Variants in CACNA1E observed in about 807,000 individuals in gnomAD.
CACNA1E encodes calcium voltage-gated channel subunit alpha1 E.
CACNA1E carries 40 observed loss-of-function variants against 259.2 expected under a neutral mutation model. The ratio of observed to expected loss-of-function variants is 0.15; its 90% CI spans 0.12 to 0.20. The LOEUF (loss-of-function observed/expected upper bound fraction) is 0.20. Ranked by LOEUF, CACNA1E falls within the 10% of genes least tolerant of loss-of-function variation. The pLI, the probability that CACNA1E is intolerant of heterozygous loss-of-function variation, is 1.00. For missense variants in CACNA1E, 1,874 were observed against 3,040.1 expected (o/e 0.62, Z 9.02); for synonymous variants, 1,104 against 1,138.5 (o/e 0.97, Z 0.61).
chr1:181,722,091 T>C (rs1356926912), intron 16 of CACNA1E, among the ~76,000 whole-genome samples: 1 of 152,140 alleles, frequency 6.6e-6, no homozygotes, highest in East Asian at 1.9e-4. Context: ...ATTATCCAAA[T>C]CTGTAGTGTA....
chr1:181,756,952 A>G lies in CACNA1E; in HGVS notation c.4155A>G (p.Thr1385=). The G allele has an allele frequency of 6.2e-7, 1 of 1,613,652 alleles. No homozygotes were observed. Among genetic ancestry groups the G allele is most frequent in the Non-Finnish European group, 8.5e-7 (1 of 1,179,552 alleles). ...PQVLQHSVDV[T]EEDRGPSRSN... is the part of the protein sequence containing the mutation. Reference sequence around the variant, plus strand: ...TTCTGCAGCACTCTGTAGATGTGACAGAGGAAGACCGAGGCCCAAGCCGCA... The same window carrying G: ...TTCTGCAGCACTCTGTAGATGTGACGGAGGAAGACCGAGGCCCAAGCCGCA... Residue 1385 remains threonine, a synonymous_variant, in exon 30 of 48, where the codon ACA becomes ACG. Transcript: ENST00000367573.
At chr1:181,396,340 C>T (rs959187185) in intron 1 of CACNA1E, among the ~76,000 whole-genome samples, 2 of 152,200 alleles carry the variant, frequency 1.3e-5, no homozygotes, top group African/African-American at 2.4e-5. Flanking sequence ...GGTGAACATC[C>T]CAGGAGGTGG....
intron 2 of CACNA1E, among the ~76,000 whole-genome samples, chr1:181,468,681 A>C (rs1662304498): frequency 6.6e-6 from 1 of 152,172 alleles, no homozygotes; most frequent in African/African-American, 2.4e-5. Context: ...CAGAGGAGAG[A>C]GAGATCACTT....
chr1:181,477,840 C>T (rs1237734392), intron 2 of CACNA1E, among the ~76,000 whole-genome samples: 2 of 152,148 alleles, frequency 1.3e-5, no homozygotes, highest in Non-Finnish European at 2.9e-5. Context: ...GATCTAAGAG[C>T]TTTATGCATA....
chr1:181,583,103 T>TACAC (rs34193608), intron 6 of CACNA1E, among the ~76,000 whole-genome samples: 14,186 of 144,894 alleles, frequency 0.098, 734 homozygotes, highest in Admixed American at 0.12. Context: ...GGACTGTTCC[T>TACAC]ACACACACAC....
chr1:181,733,819 TA>T, intron 21 of CACNA1E, 69 bp downstream of exon 21: 2 of 1,201,676 alleles, frequency 1.7e-6, no homozygotes, highest in Non-Finnish European at 2.2e-6. Context: ...GCCATGACAA[TA>T]AAGCCACATG....
chr1:181,626,680 G>T (rs1177614678), intron 6 of CACNA1E, among the ~76,000 whole-genome samples: 1 of 152,210 alleles, frequency 6.6e-6, no homozygotes, highest in Non-Finnish European at 1.5e-5. Flanking sequence ...TATAGGTAGT[G>T]TAAGTATAGA....
intron 2 of CACNA1E, among the ~76,000 whole-genome samples, chr1:181,457,972 G>A (rs1661566029): frequency 6.6e-6 from 1 of 152,200 alleles, no homozygotes; most frequent in East Asian, 1.9e-4. Flanking sequence ...TGGGGATGTT[G>A]GCCTGCATGG....
At chr1:181,534,908 T>A (rs976757959) in intron 3 of CACNA1E, among the ~76,000 whole-genome samples, 1 of 152,102 alleles carries the variant, frequency 6.6e-6, no homozygotes, top group Non-Finnish European at 1.5e-5. Context: ...TGATCTTATG[T>A]TTAAATGACT....
At chr1:181,321,448 T>G (rs1381210855) in intron 1 of CACNA1E, among the ~76,000 whole-genome samples, 1 of 152,264 alleles carries the variant, frequency 6.6e-6, no homozygotes, top group East Asian at 1.9e-4. Context: ...TAGTTATTGA[T>G]GCCTGCTTCT....
In CACNA1E at chr1:181,483,774, C is replaced by T. The variant is rs1206316711; in HGVS notation, c.30C>T (p.Ala10=). The T allele has an allele frequency of 6.2e-7, 1 of 1,610,576 alleles. No individual in the cohort carries two copies. Among genetic ancestry groups the T allele is most frequent in the Admixed American group, 1.7e-5 (1 of 59,926 alleles). The change falls in exon 1 of 48, where the codon GCC becomes GCT. Residue 10 remains alanine (A), a synonymous_variant. Coordinates refer to ENST00000367573, the MANE Select transcript of CACNA1E (RefSeq NM_001205293.3). ...CTCGCTTCGGGGAGGCGGTGGTCGC[C>T]AGGCCAGGGTCCGGCGATGGAGACT... MARFGEAVV[A]RPGSGDGDSD...
At chr1:181,481,588 T>G (rs930183576), upstream of CACNA1E, among the ~76,000 whole-genome samples, 13 of 152,210 alleles carry the variant, frequency 8.5e-5, no homozygotes, top group Non-Finnish European at 1.3e-4. Context: ...GCCCCTCCTT[T>G]CCTTCTTCCC....
intron 3 of CACNA1E, among the ~76,000 whole-genome samples, chr1:181,514,418 A>G (rs1666394787): frequency 6.6e-6 from 1 of 152,186 alleles, no homozygotes; most frequent in Non-Finnish European, 1.5e-5. Flanking sequence ...TTATTCACCC[A>G]AGATCACACC....
intron 3 of CACNA1E, among the ~76,000 whole-genome samples, chr1:181,515,902 A>G (rs542290229): frequency 2.8e-4 from 42 of 152,234 alleles, no homozygotes; most frequent in African/African-American, 9.6e-4. Context: ...TCTCTTGTCT[A>G]TAGGATACAA....
intron 1 of CACNA1E, among the ~76,000 whole-genome samples, chr1:181,356,656 C>T (rs955171919): frequency 1.1e-4 from 16 of 152,328 alleles, no homozygotes; most frequent in African/African-American, 2.9e-4. Flanking sequence ...GCTCTTCAGG[C>T]CTCAGCCTTG....
chr1:181,539,033 T>C (rs566503876), intron 3 of CACNA1E, among the ~76,000 whole-genome samples: 1 of 152,310 alleles, frequency 6.6e-6, no homozygotes, highest in African/African-American at 2.4e-5. Flanking sequence ...CTGGACTACT[T>C]GTGGTTCCTT....
chr1:181,490,543 G>GTTTTTT (rs34093740), intron 1 of CACNA1E, among the ~76,000 whole-genome samples: 1 of 125,288 alleles, frequency 8.0e-6, no homozygotes, highest in East Asian at 2.4e-4. Flanking sequence ...TGCCAAGCAT[G>GTTTTTT]TTTTTTTTTT....
chr1:181,724,176 A>C (rs922857741), intron 16 of CACNA1E, among the ~76,000 whole-genome samples: 5 of 152,176 alleles, frequency 3.3e-5, no homozygotes, highest in Admixed American at 6.5e-5. Flanking sequence ...ATAATTTTTC[A>C]CAGTATCGTA....
chr1:181,327,308 A>G (rs1650871862), intron 1 of CACNA1E, among the ~76,000 whole-genome samples: 1 of 152,154 alleles, frequency 6.6e-6, no homozygotes, highest in Admixed American at 6.5e-5. Flanking sequence ...TTAACACTTG[A>G]CTTTGAAGTG....
Sources: gnomAD v4.1 joint callset for allele counts (sites outside exome capture counted in the v4.1 genomes callset) on GRCh38, gnomAD v4.1.1 for gene constraint, MANE v1.5 for transcripts, NCBI Gene and HGNC (gene_info 2026-07-23, HGNC 2026-07-21) for gene names.